Variants in ZNF362 observed in about 807,000 individuals in gnomAD.
ZNF362 encodes the protein zinc finger protein 362, also known as rotund homolog.
In ZNF362, 11 loss-of-function variants were observed where a neutral mutation model predicts 42.9. The observed-to-expected ratio is 0.26, with a 90% CI of 0.16 to 0.42. ZNF362 has a LOEUF of 0.42. Among genes scored for constraint, ZNF362 ranks in the 20% least tolerant of loss-of-function variants. ZNF362 has a pLI of 1.00. For missense variants in ZNF362, 362 were observed against 576.2 expected (o/e 0.63, Z 3.81); for synonymous variants, 255 against 257.3 (o/e 0.99, Z 0.09).
the ZNF362 span, among the ~76,000 whole-genome samples, chr1:33,130,738 A>G: frequency 6.6e-6 from 1 of 152,240 alleles, no homozygotes; most frequent in African/African-American, 2.4e-5. Context: ...TTAGGCAGCA[A>G]TAGATAACTA....
the ZNF362 span, among the ~76,000 whole-genome samples, chr1:33,184,005 G>A: frequency 6.7e-6 from 1 of 149,782 alleles, no homozygotes; most frequent in African/African-American, 2.5e-5. Flanking sequence ...AGTGAACAGG[G>A]CAGAGTCTAA....
the ZNF362 span, among the ~76,000 whole-genome samples, chr1:33,182,581 C>T: frequency 6.8e-6 from 1 of 148,120 alleles, no homozygotes; most frequent in Non-Finnish European, 1.5e-5. Context: ...CATTGGCAAA[C>T]AATTCTGGAG....
At chr1:33,277,627 T>TAGTGGG (rs1199765152) in intron 4 of ZNF362, among the ~76,000 whole-genome samples, 2 of 151,824 alleles carry the variant, frequency 1.3e-5, no homozygotes, top group Non-Finnish European at 2.9e-5. Flanking sequence ...AATGCCGTGG[T>TAGTGGG]AGTGGGAATG....
chr1:33,202,289 C>T, the ZNF362 span, among the ~76,000 whole-genome samples: 4 of 152,200 alleles, frequency 2.6e-5, no homozygotes, highest in Middle Eastern at 3.4e-3. Flanking sequence ...TTGAATTTAA[C>T]AATATATAAA....
At chr1:33,283,236 C>G (rs12025467) in intron 6 of ZNF362, among the ~76,000 whole-genome samples, 25,128 of 152,086 alleles carry the variant, frequency 0.17, 2,584 homozygotes, top group South Asian at 0.26. Flanking sequence ...TCCCAAGTAG[C>G]TGGGATTACA....
intron 2 of ZNF362, chr1:33,275,059 T>C (rs2148092488): frequency 1.0e-6 from 1 of 985,446 alleles, no homozygotes; most frequent in Non-Finnish European, 1.2e-6. Context: ...TTTTGGTCTT[T>C]CCTGTCAAAA....
chr1:33,149,997 G>A, the ZNF362 span, among the ~76,000 whole-genome samples: 1 of 152,192 alleles, frequency 6.6e-6, no homozygotes, highest in East Asian at 1.9e-4. Context: ...GCATCACCTG[G>A]CTCTGGGCTG....
At chr1:33,147,701 C>A in the ZNF362 span, 2 of 1,612,914 alleles carry the variant, frequency 1.2e-6, no homozygotes, top group African/African-American at 1.3e-5. The surrounding 1 kb of genome is among the most constrained non-coding windows in gnomAD (Gnocchi z 8.1). Context: ...TGGGCTGTGC[C>A]CGGGTCCAGG....
the ZNF362 span, chr1:33,196,242 T>C: frequency 2.6e-5 from 4 of 152,136 alleles, no homozygotes; most frequent in African/African-American, 9.6e-5. Context: ...TAGCCGGGCA[T>C]GGTGGCAGGC....
chr1:33,181,133 C>T, the ZNF362 span: 1 of 1,600,732 alleles, frequency 6.2e-7, no homozygotes, highest in Non-Finnish European at 8.5e-7. This position sits in a 1 kb window ranked among gnomAD's most constrained non-coding sequence, Gnocchi z 6.5. Flanking sequence ...GGCAGAAGAG[C>T]TTGACCTTGT....
the ZNF362 span, among the ~76,000 whole-genome samples, chr1:33,230,554 G>A: frequency 6.6e-6 from 1 of 152,220 alleles, no homozygotes; most frequent in African/African-American, 2.4e-5. Flanking sequence ...CTTCACATGT[G>A]TCGGGCCCAG....
Position 33,300,135 on chromosome 1 carries a change from C to A in ZNF362, c.*1089C>A, listed in dbSNP as rs1376258481. 1 of 152,552 alleles carries A rather than the reference C, an allele frequency of 6.6e-6. No homozygotes were observed. Among genetic ancestry groups the A allele is most frequent in the Non-Finnish European group, 1.5e-5 (1 of 68,070 alleles). 9.4% of individuals were successfully genotyped at this position (152,552 alleles called of 1,614,324 possible). A position where few individuals can be genotyped will look rare whatever the true frequency, so the allele number is the denominator to read the frequency against. On this transcript the variant is annotated 3_prime_UTR_variant, in exon 9 of 9. Transcript: ENST00000539719. The stretch of plus-strand genomic sequence containing the variant: ...ACCATGTACAGAGCCCAGAGAAGCC[C>A]CCTACATCCCCCCGGGAAAAAAAAG...
the ZNF362 span, among the ~76,000 whole-genome samples, chr1:33,153,096 A>T: frequency 6.6e-6 from 1 of 152,048 alleles, no homozygotes; most frequent in Non-Finnish European, 1.5e-5. Flanking sequence ...CAGGTGCTGG[A>T]TGGGGTTCTC....
chr1:33,216,332 T>C, the ZNF362 span, among the ~76,000 whole-genome samples: 762 of 144,594 alleles, frequency 5.3e-3, 13 homozygotes, highest in African/African-American at 0.018. Context: ...CCGGGCGCGA[T>C]GGCTTATACC....
chr1:33,280,595 C>T lies in ZNF362; in HGVS notation c.683+138C>T. The T allele has an allele frequency of 1.4e-6, 2 of 1,421,024 alleles. No individual in the cohort carries two copies. The highest frequency in any genetic ancestry group is 2.9e-5 in the Admixed American group (1 of 34,728). The allele number at this position is 1,421,024 out of a possible 1,614,324, so 88.0% of individuals were successfully genotyped here. On this transcript the variant is annotated intron_variant, in intron 5 of 8. Coordinates refer to ENST00000539719, the MANE Select transcript of ZNF362 (RefSeq NM_152493.3). This position sits in a 1 kb window ranked among gnomAD's most constrained non-coding sequence, Gnocchi z 5.6. ...AGGGCTAGGGTCCAGAGGGGCGGGGCCTTCTGGAGAGCCCCACCCACATCC... is the reference window on the plus strand; with the variant it reads ...AGGGCTAGGGTCCAGAGGGGCGGGGTCTTCTGGAGAGCCCCACCCACATCC...
chr1:33,254,979 C>A (rs554215944), upstream of ZNF362, among the ~76,000 whole-genome samples: 1 of 152,210 alleles, frequency 6.6e-6, no homozygotes, highest in Non-Finnish European at 1.5e-5. Context: ...CCTCGCTCAC[C>A]CCAGAGCCAA....
chr1:33,280,573 G>A lies in ZNF362; in HGVS notation c.683+116G>A. ...AGGACCCTTAGGGCTGAGGGGCAGG[G>A]CTAGGGTCCAGAGGGGCGGGGCCTT... On this transcript the variant is annotated intron_variant, in intron 5 of 8. Transcript: ENST00000539719. The surrounding 1 kb of genome is among the most constrained non-coding windows in gnomAD (Gnocchi z 5.6). The A allele has an allele frequency of 1.4e-6, 2 of 1,445,378 alleles. No individual in the cohort carries two copies. Among genetic ancestry groups the A allele is most frequent in the Non-Finnish European group, 1.8e-6 (2 of 1,096,842 alleles). 89.5% of individuals were successfully genotyped at this position (1,445,378 alleles called of 1,614,324 possible). A position where few individuals can be genotyped will look rare whatever the true frequency, so the allele number is the denominator to read the frequency against.
At chr1:33,161,723 C>A in the ZNF362 span, among the ~76,000 whole-genome samples, 2,005 of 152,286 alleles carry the variant, frequency 0.013, 43 homozygotes, top group African/African-American at 0.047. The surrounding 1 kb of genome is among the most constrained non-coding windows in gnomAD (Gnocchi z 4.3). Context: ...CGTCCCTGCA[C>A]CACCTGGAGC....
At chr1:33,258,181 A>C (rs973729332) in intron 1 of ZNF362, among the ~76,000 whole-genome samples, 1 of 152,020 alleles carries the variant, frequency 6.6e-6, no homozygotes, top group Admixed American at 6.5e-5. Context: ...AGCACTTTGG[A>C]CTTCGGTTAA....
Sources: gnomAD v4.1 joint callset for allele counts (sites outside exome capture counted in the v4.1 genomes callset) on GRCh38, gnomAD v4.1.1 for gene constraint, Gnocchi (gnomAD v3.1) non-coding constraint, MANE v1.5 for transcripts, NCBI Gene and HGNC (gene_info 2026-07-23, HGNC 2026-07-21) for gene names.